The following EGFR variants were observed in gnomAD, a reference collection of about 807,000 sequenced individuals.
The protein encoded by EGFR is avian erythroblastic leukemia viral (v-erb-b) oncogene homolog.
A neutral mutation model predicts 143.0 loss-of-function variants in EGFR; 58 were observed. That is an observed-to-expected ratio of 0.41 (90% confidence interval 0.33 to 0.50). The LOEUF is 0.50. Ranked by LOEUF, EGFR falls within the 20% of genes least tolerant of loss-of-function variation. EGFR has a pLI of 0.39. For synonymous variants in EGFR, 613 were observed against 594.4 expected (o/e 1.03, Z -0.45); for missense variants, 1,307 against 1,579.0 (o/e 0.83, Z 2.92).
At chr7:55,096,899 GC>G (rs1791506234) in intron 1 of EGFR, among the ~76,000 whole-genome samples, 1 of 152,176 alleles carries the variant, frequency 6.6e-6, no homozygotes, top group African/African-American at 2.4e-5. Flanking sequence ...ACAGAGGCTA[GC>G]ACATGTGCTT....
intron 1 of EGFR, among the ~76,000 whole-genome samples, chr7:55,074,468 G>C (rs1337607978): frequency 6.6e-6 from 1 of 152,258 alleles, no homozygotes; most frequent in African/African-American, 2.4e-5. Context: ...AACAGAAACA[G>C]AAAGTGTAAG....
intron 1 of EGFR, among the ~76,000 whole-genome samples, chr7:55,124,312 G>A (rs543083715): frequency 6.6e-6 from 1 of 152,016 alleles, no homozygotes; most frequent in Non-Finnish European, 1.5e-5. Flanking sequence ...TTTTTGGAGA[G>A]GTATTTTGGC....
At chr7:55,121,676 A>G (rs1470083072) in intron 1 of EGFR, among the ~76,000 whole-genome samples, 2 of 152,222 alleles carry the variant, frequency 1.3e-5, no homozygotes, top group African/African-American at 4.8e-5. Flanking sequence ...ACTCTATCAC[A>G]TAATGGTGAC....
intron 19 of EGFR, among the ~76,000 whole-genome samples, chr7:55,178,370 T>A (rs1786698100): frequency 6.6e-6 from 1 of 152,198 alleles, no homozygotes; most frequent in Non-Finnish European, 1.5e-5. Flanking sequence ...GCAAAACAGA[T>A]TTCTAGGTGT....
intron 4 of EGFR, among the ~76,000 whole-genome samples, chr7:55,149,206 T>C (rs909583219): frequency 2.0e-5 from 3 of 152,114 alleles, no homozygotes; most frequent in Non-Finnish European, 2.9e-5. Flanking sequence ...CAGGAAAATA[T>C]TGTGCAATGT....
chr7:55,133,552 G>T (rs1016362709), intron 1 of EGFR, among the ~76,000 whole-genome samples: 2 of 152,206 alleles, frequency 1.3e-5, no homozygotes, highest in African/African-American at 4.8e-5. Flanking sequence ...ACCCCATTTA[G>T]GAATTCTGTA....
intron 1 of EGFR, among the ~76,000 whole-genome samples, chr7:55,099,953 T>C (rs938376562): frequency 2.6e-5 from 4 of 152,236 alleles, no homozygotes; most frequent in Non-Finnish European, 5.9e-5. Flanking sequence ...TGCTGGTGTT[T>C]ACAGATAATA....
chr7:55,122,373 C>G (rs1282817120), intron 1 of EGFR, among the ~76,000 whole-genome samples: 1 of 152,234 alleles, frequency 6.6e-6, no homozygotes, highest in East Asian at 1.9e-4. Flanking sequence ...CCTGCAAAGT[C>G]CATGCCTGGG....
At chr7:55,155,994 G>A (rs1785399694) in intron 8 of EGFR, 48 bp downstream of exon 8, 9 of 1,412,356 alleles carry the variant, frequency 6.4e-6, no homozygotes, top group Non-Finnish European at 8.9e-6. Flanking sequence ...CGGCTGCTGA[G>A]GCTGGGCTCT....
chr7:55,141,893 A>T (rs1274758278), intron 1 of EGFR, among the ~76,000 whole-genome samples: 1 of 152,222 alleles, frequency 6.6e-6, no homozygotes, highest in Non-Finnish European at 1.5e-5. Context: ...GAGCTCTTAC[A>T]GGTTAATCCT....
intron 15 of EGFR, among the ~76,000 whole-genome samples, chr7:55,167,001 G>A (rs1322753189): frequency 7.2e-6 from 1 of 138,524 alleles, no homozygotes; most frequent in African/African-American, 2.8e-5. Flanking sequence ...ATGAGGAGGT[G>A]GGAGTCACAA....
Position 55,169,101 on chromosome 7 carries a change from TTC to T in EGFR, c.1881-2072_1881-2071del, listed in dbSNP as rs1435328474. On this transcript the variant is annotated intron_variant, in intron 15 of 27. Transcript: ENST00000275493. ...GGAGGAACCCTGGAGGAATAGCTAT[TTC>T]TTTTTTTTTTTTGTCGAGACGGAGT... is the stretch of plus-strand genomic sequence containing the variant. 7.3e-5 allele frequency among the ~76,000 whole-genome samples: 11 copies of T among 150,932 alleles called. 1 individual carries two copies. The highest frequency in any genetic ancestry group is 2.0e-4 in the East Asian group (1 of 5,122).
chr7:55,181,061 T>C (rs1786840762), intron 19 of EGFR: 2 of 602,686 alleles, frequency 3.3e-6, no homozygotes, highest in Non-Finnish European at 5.9e-6. Flanking sequence ...CTCTCTGTCA[T>C]GGGGAATCCC....
At chr7:55,072,499 G>C (rs944594152) in intron 1 of EGFR, among the ~76,000 whole-genome samples, 4 of 152,222 alleles carry the variant, frequency 2.6e-5, no homozygotes, top group Non-Finnish European at 5.9e-5. Flanking sequence ...GATGAGGTTT[G>C]CTGGTGCATG....
intron 1 of EGFR, among the ~76,000 whole-genome samples, chr7:55,105,567 A>C (rs2128904260): frequency 6.6e-6 from 1 of 152,346 alleles, no homozygotes; most frequent in East Asian, 1.9e-4. Flanking sequence ...TCATGAAAAC[A>C]GCTTCTGCAC....
rs1788063937 is a variant in EGFR, at chr7:55,205,306, CCTGT to C, written c.3325_3328del (p.Val1109IlefsTer6). 6.2e-7 allele frequency: 1 copy of C among 1,612,542 alleles called. No homozygotes were observed. Among genetic ancestry groups the C allele is most frequent in the African/African-American group, 1.3e-5 (1 of 74,888 alleles). ...AAGGCCCGCTGGCTCTGTGCAGAAT[CCTGT>C]CTATCACAATCAGCCTCTGAACCCC... On this transcript the variant is annotated frameshift_variant, in exon 28 of 28. Transcript: ENST00000275493. LOFTEE classifies it high-confidence loss of function.
chr7:55,193,381 TTC>T (rs1584259480), intron 22 of EGFR, among the ~76,000 whole-genome samples: 1 of 151,994 alleles, frequency 6.6e-6, no homozygotes, highest in Non-Finnish European at 1.5e-5. Flanking sequence ...GCCCTGGGGA[TTC>T]TCTGTTTCCT....
intron 1 of EGFR, among the ~76,000 whole-genome samples, chr7:55,023,404 C>T (rs540514125): frequency 6.6e-6 from 1 of 152,172 alleles, no homozygotes; most frequent in East Asian, 1.9e-4. Context: ...AATCCCAAAA[C>T]GTTGGGAGGC....
In EGFR at chr7:55,205,288, G is replaced by T. The variant is rs1268506326; in HGVS notation, c.3304G>T (p.Ala1102Ser). 3.1e-6 allele frequency: 5 copies of T among 1,612,612 alleles called. No individual in the cohort carries two copies. The highest frequency in any genetic ancestry group is 3.4e-6 in the Non-Finnish European group (4 of 1,179,390). ...YINQSVPKRPAGSVQNPVYHN... is the reference protein window; with the variant it reads ...YINQSVPKRPSGSVQNPVYHN... Reference sequence around the variant, plus strand: ...AAACCAGTCCGTTCCCAAAAGGCCCGCTGGCTCTGTGCAGAATCCTGTCTA... The same window carrying T: ...AAACCAGTCCGTTCCCAAAAGGCCCTCTGGCTCTGTGCAGAATCCTGTCTA... The change falls in exon 28 of 28, where the codon GCT becomes TCT. Residue 1102 changes from alanine (A) to serine (S), a missense_variant. Physicochemically the swap from Ala to Ser is moderately conservative, Grantham distance 99. Transcript: ENST00000275493.
Sources: gnomAD v4.1 joint callset for allele counts (sites outside exome capture counted in the v4.1 genomes callset) on GRCh38, gnomAD v4.1.1 for gene constraint, MANE v1.5 for transcripts, NCBI Gene and HGNC (gene_info 2026-07-23, HGNC 2026-07-21) for gene names.